The following RABL2B variants were observed in gnomAD, a reference collection of about 807,000 sequenced individuals.
RABL2B encodes RAB, member of RAS oncogene family like 2B.
In RABL2B, 17 loss-of-function variants were observed where a neutral mutation model predicts 26.7. That is an observed-to-expected ratio of 0.64 (90% CI 0.44 to 0.95). The LOEUF (loss-of-function observed/expected upper bound fraction) is 0.95, where lower values mean the gene tolerates loss of function less well. Ranked by LOEUF, RABL2B falls within the 40% of genes least tolerant of loss-of-function variation. RABL2B has a pLI of 0.00. For synonymous variants in RABL2B, 70 were observed against 103.9 expected (o/e 0.67, Z 1.99); for missense variants, 170 against 277.2 (o/e 0.61, Z 2.75).
chr22:50,772,761 T>C, intron 5 of RABL2B: 1 of 1,086,330 alleles, frequency 9.2e-7, no homozygotes, highest in Non-Finnish European at 1.1e-6. Flanking sequence ...TGTCTGTAAC[T>C]AAACTTCTGG....
chr22:50,779,282 G>C (rs1274665061), intron 2 of RABL2B, among the ~76,000 whole-genome samples: 1 of 151,440 alleles, frequency 6.6e-6, no homozygotes, highest in Non-Finnish European at 1.5e-5. Flanking sequence ...CAGCTCGGCA[G>C]GCCTGAGCTC....
chr22:50,774,774 C>A (rs1480611245), intron 5 of RABL2B, among the ~76,000 whole-genome samples: 7 of 151,606 alleles, frequency 4.6e-5, no homozygotes, highest in African/African-American at 1.7e-4. Flanking sequence ...GGCTGATATT[C>A]ATGAAAATGT....
At chr22:50,769,379 T>G (rs782514294) in intron 7 of RABL2B, 76 bp downstream of exon 7, 111 of 1,611,804 alleles carry the variant, frequency 6.9e-5, no homozygotes, top group Non-Finnish European at 9.2e-5. Flanking sequence ...ACACCTGCAG[T>G]AAGCCCTTCT....
intron 2 of RABL2B, among the ~76,000 whole-genome samples, chr22:50,779,525 T>A (rs1555926907): frequency 6.6e-6 from 1 of 152,032 alleles, no homozygotes; most frequent in African/African-American, 2.4e-5. Flanking sequence ...TCACACCATG[T>A]GGCCTTAGTT....
intron 5 of RABL2B, among the ~76,000 whole-genome samples, chr22:50,773,313 G>A (rs534079737): frequency 6.6e-6 from 1 of 152,204 alleles, no homozygotes; most frequent in Admixed American, 6.5e-5. Context: ...AAGGGATTTT[G>A]TTCTCAAGGG....
chr22:50,780,809 G>A, intron 2 of RABL2B: 1 of 465,304 alleles, frequency 2.1e-6, no homozygotes, highest in Non-Finnish European at 4.5e-6. Flanking sequence ...GGCATATAAA[G>A]AGACTAGCAT....
intron 5 of RABL2B, among the ~76,000 whole-genome samples, chr22:50,774,190 C>T (rs1163434578): frequency 5.9e-5 from 9 of 152,318 alleles, no homozygotes; most frequent in Non-Finnish European, 8.8e-5. Context: ...CCACCGCGCC[C>T]GGCCCGTGGC....
At chr22:50,778,948 C>T (rs1236175905) in intron 2 of RABL2B, among the ~76,000 whole-genome samples, 1 of 149,678 alleles carries the variant, frequency 6.7e-6, no homozygotes, top group Admixed American at 6.7e-5. Flanking sequence ...GAAACAGCAC[C>T]CTTACTATAA....
intron 5 of RABL2B, among the ~76,000 whole-genome samples, chr22:50,774,138 G>A (rs1238842819): frequency 2.0e-5 from 3 of 152,052 alleles, no homozygotes; most frequent in East Asian, 1.9e-4. Context: ...CTCGTGATCC[G>A]CCCGCCTCGG....
At chr22:50,776,162 T>C (rs2084948794) in intron 4 of RABL2B, among the ~76,000 whole-genome samples, 1 of 152,116 alleles carries the variant, frequency 6.6e-6, no homozygotes, top group Non-Finnish European at 1.5e-5. Flanking sequence ...CGCAGGGTCC[T>C]CTAAGTTCCA....
chr22:50,768,748 G>T lies in RABL2B; in HGVS notation c.*28C>A, dbSNP rs1196347731. On this transcript the variant is annotated 3_prime_UTR_variant, in exon 9 of 9. Transcript: ENST00000691320. ...GTTGAAGGGAAGGGTATTTTAAAAG[G>T]GCTCCACCCACCCCTAGCCCCAGCC... 6.2e-7 allele frequency: 1 copy of T among 1,613,052 alleles called. No homozygotes were observed. The highest frequency in any genetic ancestry group is 8.5e-7 in the Non-Finnish European group (1 of 1,179,656).
In RABL2B at chr22:50,768,826, T is replaced by A. The variant is rs1555915879; in HGVS notation, c.640A>T (p.Ser214Cys). 1 of 1,613,666 alleles carries A rather than the reference T, an allele frequency of 6.2e-7. No homozygotes were observed. Among genetic ancestry groups the A allele is most frequent in the Non-Finnish European group, 8.5e-7 (1 of 1,179,830 alleles). ...TCTGATGGGGTCTCGATGCTGCTGCTCTGTTCCTGGTCTGGCACGTCCTCC... is the reference window on the plus strand; with the variant it reads ...TCTGATGGGGTCTCGATGCTGCTGCACTGTTCCTGGTCTGGCACGTCCTCC... ...EEEDVPDQEQ[S>C]SSIETPSEEA... is the part of the protein sequence containing the mutation. Residue 214 changes from serine to cysteine, a missense_variant, in exon 9 of 9, where the codon AGC becomes TGC. By Grantham distance (112) the Ser-to-Cys change is moderately radical (BLOSUM62 -1). This residue lies in a region of RABL2B where 165 missense variants were observed against 232.0 expected (regional missense o/e 0.71). Coordinates refer to ENST00000691320, the MANE Select transcript of RABL2B (RefSeq NM_001130919.3).
rs1330104334 is a variant in RABL2B, at chr22:50,774,523, G to A, written c.297+1249C>T. Among the ~76,000 whole-genome samples the A allele has an allele frequency of 3.4e-5, 5 of 149,178 alleles. No homozygotes were observed. The East Asian group carries it at 9.7e-4, about 29-fold the overall frequency. On this transcript the variant is annotated intron_variant, in intron 5 of 8. Coordinates refer to ENST00000691320, the MANE Select transcript of RABL2B (RefSeq NM_001130919.3). ...AAGTACCAGTGTGTGTGTGTGGGGA[G>A]ATGCCCCAGGCAGTTCCAGCCTGGA...
intron 2 of RABL2B, among the ~76,000 whole-genome samples, chr22:50,780,902 C>T (rs185701731): frequency 1.3e-5 from 2 of 152,266 alleles, no homozygotes; most frequent in Admixed American, 1.3e-4. Context: ...TTACACCTGC[C>T]TGCCATTTCT....
In RABL2B at chr22:50,775,803, G is replaced by A. The variant is rs2084893070; in HGVS notation, c.266C>T (p.Ser89Phe). ...GQERFQSMHA[S>F]YYHKAHACIM... is the part of the protein sequence containing the mutation. ...GCAGGCGTGGGCCTTGTGGTAGTAG[G>A]AGGCATGCATGCTCTGGAACCGCTC... Residue 89 changes from serine to phenylalanine, a missense_variant, in exon 5 of 9, where the codon TCC becomes TTC. By Grantham distance (155) the Ser-to-Phe change is radical (BLOSUM62 -2). Transcript: ENST00000691320. 5.0e-6 allele frequency: 8 copies of A among 1,614,170 alleles called. No individual in the cohort carries two copies. The highest frequency in any genetic ancestry group is 1.3e-5 in the African/African-American group (1 of 75,030).
chr22:50,769,771 C>T, intron 6 of RABL2B, 134 bp downstream of exon 6: 1 of 954,712 alleles, frequency 1.0e-6, no homozygotes, highest in Non-Finnish European at 1.6e-6. Flanking sequence ...TGCAAGCAAC[C>T]AACCAAGGGT....
intron 3 of RABL2B, 53 bp downstream of exon 3, chr22:50,777,899 T>C (rs185862665): frequency 1.1e-4 from 183 of 1,613,766 alleles, no homozygotes; most frequent in Middle Eastern, 3.3e-4. Context: ...CACTGATACA[T>C]GAGCGTGGGA....
In RABL2B at chr22:50,783,548, G is replaced by C. The variant is rs1351551720; in HGVS notation, c.-101C>G. The C allele has an allele frequency of 6.6e-6, 1 of 152,050 alleles. No homozygotes were observed. Among genetic ancestry groups the C allele is most frequent in the African/African-American group, 2.4e-5 (1 of 41,468 alleles). 9.4% of individuals were successfully genotyped at this position (152,050 alleles called of 1,614,324 possible). ...GAGAGACCAGGGACGCTGCGGGTCG[G>C]CCCCTCGGGCCCTGCCGCCAGTCTG... On this transcript the variant is annotated 5_prime_UTR_variant, in exon 1 of 9. Transcript: ENST00000691320.
At chr22:50,773,219 T>C (rs1555920285) in intron 5 of RABL2B, 6 of 1,277,250 alleles carry the variant, frequency 4.7e-6, no homozygotes, top group East Asian at 1.1e-4. Flanking sequence ...ACTTCTGCAC[T>C]ACACTGCCCC....
Sources: gnomAD v4.1 joint callset for allele counts (sites outside exome capture counted in the v4.1 genomes callset) on GRCh38, gnomAD v4.1.1 for gene constraint, gnomAD v4.1.1 regional missense constraint, MANE v1.5 for transcripts, NCBI Gene and HGNC (gene_info 2026-07-23, HGNC 2026-07-21) for gene names.